The following C18orf32 variants were observed in gnomAD, a reference collection of about 807,000 sequenced individuals.
C18orf32 encodes the protein chromosome 18 open reading frame 32.
Under a neutral mutation model 7.4 loss-of-function variants are expected in C18orf32, and 5 were observed. The observed-to-expected ratio is 0.68, with a 90% CI of 0.35 to 1.42. C18orf32 has a LOEUF of 1.42. Among genes scored for constraint, C18orf32 ranks in the 40% most tolerant of loss-of-function variants. C18orf32 has a pLI of 0.04. For synonymous variants in C18orf32, 30 were observed against 29.3 expected (o/e 1.02, Z -0.08); for missense variants, 88 against 92.4 (o/e 0.95, Z 0.19).
At chr18:49,484,115 A>C (rs993899521) in intron 1 of C18orf32, among the ~76,000 whole-genome samples, 16 of 139,110 alleles carry the variant, frequency 1.2e-4, no homozygotes, top group Admixed American at 8.3e-4. Flanking sequence ...GATGACACAG[A>C]GACACTTTGT....
chr18:49,481,416 T>C lies in C18orf32; in HGVS notation c.*929A>G, dbSNP rs1459008361. 6.6e-6 allele frequency: 1 copy of C among 152,214 alleles called. No individual in the cohort carries two copies. Among genetic ancestry groups the C allele is most frequent in the Non-Finnish European group, 1.5e-5 (1 of 68,072 alleles). The allele number at this position is 152,214 out of a possible 1,614,324, so 9.4% of individuals were successfully genotyped here. The stretch of plus-strand genomic sequence containing the variant: ...TTCAAAGCCCAAGATAAAAATCACA[T>C]AGCGGCCCAGGTCCAGACCCAGGCC... On this transcript the variant is annotated 3_prime_UTR_variant, in exon 3 of 3. Coordinates refer to ENST00000318240, the MANE Select transcript of C18orf32 (RefSeq NM_001035005.4).
intron 1 of C18orf32, chr18:49,484,416 C>T (rs993980535): frequency 2.0e-5 from 3 of 151,782 alleles, no homozygotes; most frequent in African/African-American, 7.3e-5. Context: ...CATGGTGAAA[C>T]CCTGTCTCTA....
intron 2 of C18orf32, among the ~76,000 whole-genome samples, chr18:49,483,164 C>A (rs1007597584): frequency 1.3e-5 from 2 of 152,084 alleles, no homozygotes; most frequent in African/African-American, 4.8e-5. Context: ...CAGAAACGGG[C>A]CGGATGGCTA....
At chr18:49,484,363 C>A (rs778686801) in intron 1 of C18orf32, among the ~76,000 whole-genome samples, 1 of 151,850 alleles carries the variant, frequency 6.6e-6, no homozygotes, top group Non-Finnish European at 1.5e-5. Flanking sequence ...GAGGCCAAGG[C>A]GGGTGGATCA....
intron 2 of C18orf32, 121 bp from the exon 3 acceptor site, chr18:49,482,531 A>G (rs1363174758): frequency 1.5e-6 from 1 of 650,818 alleles, no homozygotes; most frequent in Non-Finnish European, 2.7e-6. Context: ...GATCGAGACC[A>G]TCCTGGCTGA....
At position 49,478,692 on chromosome 18, in the gene C18orf32, A is replaced by C. The variant is rs925566627; in HGVS notation, c.*3653T>G. Reference sequence around the variant, plus strand: ...AGCTCTTACTAAAAAGGCAGCCCTGACCTTTACACAGACAGATGTTGATAT... The same window carrying C: ...AGCTCTTACTAAAAAGGCAGCCCTGCCCTTTACACAGACAGATGTTGATAT... On this transcript the variant is annotated 3_prime_UTR_variant, in exon 3 of 3. Coordinates refer to ENST00000318240, the MANE Select transcript of C18orf32 (RefSeq NM_001035005.4). The C allele has an allele frequency of 1.3e-5, 2 of 150,360 alleles. No individual in the cohort carries two copies. Among genetic ancestry groups the C allele is most frequent in the Non-Finnish European group, 2.9e-5 (2 of 68,040 alleles). The allele number at this position is 150,360 out of a possible 1,614,324, so 9.3% of individuals were successfully genotyped here.
intron 1 of C18orf32, among the ~76,000 whole-genome samples, chr18:49,485,611 A>ATT (rs544899186): frequency 6.2e-5 from 9 of 146,276 alleles, no homozygotes; most frequent in African/African-American, 2.0e-4. Flanking sequence ...GGCAATAGTG[A>ATT]TTTTTTTTTT....
rs1568493438 is a variant in C18orf32, at chr18:49,479,484, C to T, written c.*2861G>A. 1 of 152,466 alleles carries T rather than the reference C, an allele frequency of 6.6e-6. No homozygotes were observed. The highest frequency in any genetic ancestry group is 1.5e-5 in the Non-Finnish European group (1 of 68,246). The allele number at this position is 152,466 out of a possible 1,614,324, so 9.4% of individuals were successfully genotyped here. A position where few individuals can be genotyped will look rare whatever the true frequency, so the allele number is the denominator to read the frequency against. On this transcript the variant is annotated 3_prime_UTR_variant, in exon 3 of 3. Transcript: ENST00000318240. Reference sequence around the variant, plus strand: ...CCTGTGCAGTGAGCAATAGTATTCTCCCAGGCAGTGTCCCAGCAAGCCAGA... The same window carrying T: ...CCTGTGCAGTGAGCAATAGTATTCTTCCAGGCAGTGTCCCAGCAAGCCAGA...
chr18:49,486,592 ATTATT>A (rs1456724787), intron 1 of C18orf32: 1 of 151,990 alleles, frequency 6.6e-6, no homozygotes, highest in Non-Finnish European at 1.5e-5. Flanking sequence ...ACGAGATATT[ATTATT>A]TTAATTATTC....
In C18orf32 at chr18:49,478,124, C is replaced by G. The variant is rs2083633927; in HGVS notation, c.*4221G>C. Reference sequence around the variant, plus strand: ...GATCACAGCTCACTGTAGCCTTTAACCTCCTGGGTTCAAGCAATCCTCCCA... The same window carrying G: ...GATCACAGCTCACTGTAGCCTTTAAGCTCCTGGGTTCAAGCAATCCTCCCA... On this transcript the variant is annotated 3_prime_UTR_variant, in exon 3 of 3. Transcript: ENST00000318240. The G allele has an allele frequency of 6.7e-6, 1 of 149,910 alleles. No individual in the cohort carries two copies. The highest frequency in any genetic ancestry group is 1.5e-5 in the Non-Finnish European group (1 of 68,072). The allele number at this position is 149,910 out of a possible 1,614,324, so 9.3% of individuals were successfully genotyped here.
intron 1 of C18orf32, 134 bp from the exon 2 acceptor site, chr18:49,483,905 A>G: frequency 3.8e-6 from 4 of 1,044,032 alleles, no homozygotes; most frequent in Non-Finnish European, 5.4e-6. Context: ...GGGAGGCAAG[A>G]GGATAGCTTG....
intron 2 of C18orf32, 35 bp downstream of exon 2, chr18:49,483,549 C>T (rs768155639): frequency 1.3e-6 from 2 of 1,547,046 alleles, no homozygotes; most frequent in Non-Finnish European, 1.7e-6. Flanking sequence ...CACCCCCTTT[C>T]ACTGCTCTTA....
intron 1 of C18orf32, among the ~76,000 whole-genome samples, 168 bp from the exon 2 acceptor site, chr18:49,483,939 T>C (rs1171773200): frequency 6.6e-6 from 1 of 150,846 alleles, no homozygotes; most frequent in Non-Finnish European, 1.5e-5. Flanking sequence ...GAAACCAACT[T>C]GCACAACAAA....
At position 49,477,925 on chromosome 18, in the gene C18orf32, C is replaced by CACTATATGTATAT. The variant is rs1568493070; in HGVS notation, c.*4419_*4420insATATACATATAGT. On this transcript the variant is annotated 3_prime_UTR_variant, in exon 3 of 3. Coordinates refer to ENST00000318240, the MANE Select transcript of C18orf32 (RefSeq NM_001035005.4). ...TATGTATATACACTATATATATATA[C>CACTATATGTATAT]ACACTATATATATATATACACTATA... 4.7e-4 allele frequency: 64 copies of CACTATATGTATAT among 135,998 alleles called. 1 individual carries two copies. In the East Asian group the frequency reaches 0.01, roughly 22 times the overall value. The allele number at this position is 135,998 out of a possible 1,614,324, so 8.4% of individuals were successfully genotyped here.
At position 49,478,893 on chromosome 18, in the gene C18orf32, T is replaced by TCTCTC. The variant is rs2083638783; in HGVS notation, c.*3451_*3452insGAGAG. The TCTCTC allele has an allele frequency of 7.1e-6, 1 of 140,950 alleles. No homozygotes were observed. The highest frequency in any genetic ancestry group is 3.2e-5 in the African/African-American group (1 of 30,912). 8.7% of individuals were successfully genotyped at this position (140,950 alleles called of 1,614,324 possible). The stretch of plus-strand genomic sequence containing the variant: ...CGCTTATTCAAACTGATGGCTATTT[T>TCTCTC]TGTCCACTATTCCCATGTTCTTTTT... On this transcript the variant is annotated 3_prime_UTR_variant, in exon 3 of 3. Coordinates refer to ENST00000318240, the MANE Select transcript of C18orf32 (RefSeq NM_001035005.4).
In C18orf32 at chr18:49,478,167, G is replaced by A. The variant is rs1443058506; in HGVS notation, c.*4178C>T. The A allele has an allele frequency of 1.3e-5, 2 of 149,972 alleles. No individual in the cohort carries two copies. The highest frequency in any genetic ancestry group is 2.9e-5 in the Non-Finnish European group (2 of 68,086). The allele number at this position is 149,972 out of a possible 1,614,324, so 9.3% of individuals were successfully genotyped here. ...TCCTCCCACCTCAGCCTCCAGAGTA[G>A]CTGGGACCACAGGTGCACATCACCA... On this transcript the variant is annotated 3_prime_UTR_variant, in exon 3 of 3. Coordinates refer to ENST00000318240, the MANE Select transcript of C18orf32 (RefSeq NM_001035005.4).
chr18:49,482,530 C>G lies in C18orf32; in HGVS notation c.166-120G>C, dbSNP rs571329613. 1.1e-4 allele frequency: 73 copies of G among 657,464 alleles called. 1 individual carries two copies. Among genetic ancestry groups the G allele is most frequent in the Non-Finnish European group, 1.6e-4 (59 of 378,074 alleles). The allele number at this position is 657,464 out of a possible 1,614,324, so 40.7% of individuals were successfully genotyped here. ...GATCACGAGGTCAGAAGATCGAGAC[C>G]ATCCTGGCTGACATGGTGAAACCCC... On this transcript the variant is annotated intron_variant, in intron 2 of 2. Transcript: ENST00000318240.
chr18:49,484,179 C>CAG (rs2148809795), intron 1 of C18orf32, among the ~76,000 whole-genome samples: 1 of 141,598 alleles, frequency 7.1e-6, no homozygotes, highest in Non-Finnish European at 1.5e-5. Context: ...CACACACACA[C>CAG]ACACACACAC....
rs1014167886 is a variant in C18orf32 at position 49,481,012 on chromosome 18, G to A, written c.*1333C>T. On this transcript the variant is annotated 3_prime_UTR_variant, in exon 3 of 3. Transcript: ENST00000318240. ...CTCTGTGGAGCTGGAATAAGGGAAT[G>A]AGAGTTGAGAAAAAACATTCGCTTT... The A allele has an allele frequency of 6.6e-6, 1 of 152,158 alleles. No individual in the cohort carries two copies. Among genetic ancestry groups the A allele is most frequent in the South Asian group, 2.1e-4 (1 of 4,830 alleles). 9.4% of individuals were successfully genotyped at this position (152,158 alleles called of 1,614,324 possible).
Sources: gnomAD v4.1 joint callset for allele counts (sites outside exome capture counted in the v4.1 genomes callset) on GRCh38, gnomAD v4.1.1 for gene constraint, MANE v1.5 for transcripts, NCBI Gene and HGNC (gene_info 2026-07-23, HGNC 2026-07-21) for gene names.